Variants in HACD2 observed in about 807,000 individuals in gnomAD.
HACD2 encodes the protein 3-hydroxyacyl-CoA dehydratase 2.
A neutral mutation model predicts 31.0 loss-of-function variants in HACD2; 15 were observed. That is an observed-to-expected ratio of 0.48 (90% CI 0.32 to 0.75). HACD2 has a LOEUF of 0.75. Ranked by LOEUF, HACD2 falls within the 30% of genes least tolerant of loss-of-function variation. The pLI is 0.03. For missense variants in HACD2, 283 were observed against 313.0 expected (o/e 0.90, Z 0.72); for synonymous variants, 115 against 122.2 (o/e 0.94, Z 0.39).
At chr3:123,559,630 A>G (rs2056707144) in intron 3 of HACD2, among the ~76,000 whole-genome samples, 1 of 152,210 alleles carries the variant, frequency 6.6e-6, no homozygotes, top group Admixed American at 6.5e-5. Context: ...AATGTTTCCA[A>G]CAGGGTGTGC....
intron 4 of HACD2, among the ~76,000 whole-genome samples, chr3:123,517,436 A>T (rs1311451485): frequency 6.6e-6 from 1 of 152,248 alleles, no homozygotes; most frequent in Non-Finnish European, 1.5e-5. Flanking sequence ...CAGACACTGC[A>T]TCAGAATGGA....
At chr3:123,553,625 G>C (rs993701525) in intron 3 of HACD2, among the ~76,000 whole-genome samples, 2 of 152,174 alleles carry the variant, frequency 1.3e-5, no homozygotes, top group African/African-American at 4.8e-5. Flanking sequence ...GATTCCCAAA[G>C]AGCTTCCATT....
intron 3 of HACD2, among the ~76,000 whole-genome samples, chr3:123,560,840 T>G (rs1489009870): frequency 6.6e-6 from 1 of 152,144 alleles, no homozygotes; most frequent in Non-Finnish European, 1.5e-5. Flanking sequence ...GTGGAAACAA[T>G]GCAGTAATGT....
At position 123,542,019 on chromosome 3, in the gene HACD2, C is replaced by T. The variant is rs527237977; in HGVS notation, c.293-13545G>A. Among the ~76,000 whole-genome samples the T allele has an allele frequency of 1.8e-4, 27 of 149,556 alleles. 1 individual carries two copies. In the South Asian group the frequency reaches 5.5e-3, roughly 30 times the overall value. On this transcript the variant is annotated intron_variant, in intron 3 of 6. Transcript: ENST00000383657. Reference sequence around the variant, plus strand: ...AAAATTAGCCAGGTGTAGTGGCGGGCGCCTGTAGTCCCAGCTACTTGGGAG... The same window carrying T: ...AAAATTAGCCAGGTGTAGTGGCGGGTGCCTGTAGTCCCAGCTACTTGGGAG...
chr3:123,575,264 A>G (rs1263191171), intron 2 of HACD2, among the ~76,000 whole-genome samples: 1 of 151,980 alleles, frequency 6.6e-6, no homozygotes, highest in Non-Finnish European at 1.5e-5. Flanking sequence ...GCGCCACTGT[A>G]TCCGGCTAAT....
chr3:123,583,948 T>G (rs927222320), intron 1 of HACD2, among the ~76,000 whole-genome samples: 1 of 152,220 alleles, frequency 6.6e-6, no homozygotes, highest in African/African-American at 2.4e-5. Context: ...TCTGTATGTT[T>G]GAAATTTTTC....
intron 4 of HACD2, among the ~76,000 whole-genome samples, chr3:123,509,437 GGCCTATAGGC>G (rs1273110712): frequency 6.6e-6 from 1 of 151,050 alleles, no homozygotes; most frequent in African/African-American, 2.4e-5. Flanking sequence ...GGCTAGATTT[GGCCTATAGGC>G]CAACCTCTGT....
intron 2 of HACD2, among the ~76,000 whole-genome samples, chr3:123,572,813 C>T (rs2056869467): frequency 6.6e-6 from 1 of 152,166 alleles, no homozygotes; most frequent in Non-Finnish European, 1.5e-5. Flanking sequence ...CTTTCAAGAC[C>T]TCAGCTGCAG....
chr3:123,543,057 T>C (rs2056513049), intron 3 of HACD2, among the ~76,000 whole-genome samples: 1 of 152,214 alleles, frequency 6.6e-6, no homozygotes, highest in Non-Finnish European at 1.5e-5. Context: ...TTGGGAATAT[T>C]ACATTCCAGG....
chr3:123,562,147 A>G (rs1254531427), intron 3 of HACD2, among the ~76,000 whole-genome samples: 3 of 152,198 alleles, frequency 2.0e-5, no homozygotes, highest in African/African-American at 7.2e-5. Context: ...AAGGAAAAAC[A>G]CTGAATAAAT....
At chr3:123,544,608 C>T (rs956277359) in intron 3 of HACD2, among the ~76,000 whole-genome samples, 4 of 151,752 alleles carry the variant, frequency 2.6e-5, no homozygotes, top group African/African-American at 9.7e-5. Context: ...AGAAATGCTA[C>T]CTAAAAAATT....
Position 123,559,406 on chromosome 3 carries a change from C to T in HACD2, c.292+8356G>A, listed in dbSNP as rs574678437. On this transcript the variant is annotated intron_variant, in intron 3 of 6. Transcript: ENST00000383657. Reference sequence around the variant, plus strand: ...ATTTCCAAACACTCATACTTTGGCACGTTTAAACATCTAGCGTACCCTCCT... The same window carrying T: ...ATTTCCAAACACTCATACTTTGGCATGTTTAAACATCTAGCGTACCCTCCT... Among the ~76,000 whole-genome samples, 111 of 152,320 alleles carry T rather than the reference C, an allele frequency of 7.3e-4. 1 individual carries two copies. The highest frequency in any genetic ancestry group is 1.5e-3 in the Non-Finnish European group (102 of 68,028).
At chr3:123,571,123 C>T (rs1473877063) in intron 2 of HACD2, among the ~76,000 whole-genome samples, 1 of 152,142 alleles carries the variant, frequency 6.6e-6, no homozygotes, top group East Asian at 1.9e-4. Context: ...AATATGCAAA[C>T]TAGAAATGCT....
chr3:123,564,730 C>A (rs561664435), intron 3 of HACD2, among the ~76,000 whole-genome samples: 2 of 152,232 alleles, frequency 1.3e-5, no homozygotes, highest in Admixed American at 1.3e-4. Context: ...AATACAGGGT[C>A]AATGGCCAGG....
At chr3:123,508,787 T>TG (rs1387726327) in intron 4 of HACD2, among the ~76,000 whole-genome samples, 4 of 152,140 alleles carry the variant, frequency 2.6e-5, no homozygotes, top group Admixed American at 6.5e-5. Flanking sequence ...CACCATAGAC[T>TG]GGGGGGCTTA....
At chr3:123,565,547 T>C (rs2056781004) in intron 3 of HACD2, among the ~76,000 whole-genome samples, 1 of 152,202 alleles carries the variant, frequency 6.6e-6, no homozygotes, top group Non-Finnish European at 1.5e-5. Flanking sequence ...AGCACCACCT[T>C]GATCTTGGAA....
intron 4 of HACD2, among the ~76,000 whole-genome samples, chr3:123,512,997 T>C (rs981541029): frequency 5.9e-5 from 9 of 152,176 alleles, no homozygotes; most frequent in African/African-American, 1.7e-4. Context: ...TTTGGCAAAA[T>C]GGCTGATTCC....
chr3:123,528,328 G>T (rs2056310219), intron 4 of HACD2, 58 bp downstream of exon 4: 7 of 1,037,984 alleles, frequency 6.7e-6, no homozygotes, highest in Non-Finnish European at 1.1e-5. Flanking sequence ...ATGTGAATCA[G>T]AAAAGTTGAC....
At chr3:123,504,995 T>A (rs965295889) in intron 4 of HACD2, among the ~76,000 whole-genome samples, 3 of 152,204 alleles carry the variant, frequency 2.0e-5, no homozygotes, top group African/African-American at 4.8e-5. Context: ...GAAACCCAGG[T>A]GTGTACTGAT....
Sources: gnomAD v4.1 joint callset for allele counts (sites outside exome capture counted in the v4.1 genomes callset) on GRCh38, gnomAD v4.1.1 for gene constraint, MANE v1.5 for transcripts, NCBI Gene and HGNC (gene_info 2026-07-23, HGNC 2026-07-21) for gene names.